DAAM2: variants seen among roughly 807,000 people sequenced by gnomAD.
DAAM2 encodes dishevelled associated activator of morphogenesis 2.
In DAAM2, 39 loss-of-function variants were observed where a neutral mutation model predicts 120.7. That is an observed-to-expected ratio of 0.32 (90% CI 0.25 to 0.42). The LOEUF is 0.42. DAAM2 is among the 10% of genes least tolerant of loss of function. The probability of loss-of-function intolerance (pLI) is 1.00; values close to 1 mark genes in which losing one functional copy is unlikely to be tolerated. For missense variants in DAAM2, 1,283 were observed against 1,401.7 expected, an observed-to-expected ratio of 0.92 and a Z score of 1.35; for synonymous variants, 488 against 524.9, an observed-to-expected ratio of 0.93 and a Z score of 0.96.
chr6:39,807,188 CAA>C (rs11312011), intron 1 of DAAM2, among the ~76,000 whole-genome samples: 2,643 of 115,794 alleles, frequency 0.023, 85 homozygotes, highest in African/African-American at 0.067. Context: ...TAGAACACAG[CAA>C]AAAAAAAAAA....
chr6:39,815,788 A>T (rs527609281), intron 1 of DAAM2, among the ~76,000 whole-genome samples: 1 of 152,292 alleles, frequency 6.6e-6, no homozygotes, highest in Admixed American at 6.5e-5. Context: ...GGATAAGCTT[A>T]TTCTAAAATA....
chr6:39,897,392 G>C, intron 21 of DAAM2, 110 bp downstream of exon 21: 1 of 690,006 alleles, frequency 1.4e-6, no homozygotes, highest in East Asian at 2.6e-5. Context: ...GTGAGACCTC[G>C]GTTCTTGTCT....
At chr6:39,877,451 G>A (rs970610043) in intron 11 of DAAM2, among the ~76,000 whole-genome samples, 1 of 152,162 alleles carries the variant, frequency 6.6e-6, no homozygotes, top group African/African-American at 2.4e-5. Context: ...GTAGCATCTT[G>A]GGGATAACAG....
chr6:39,869,602 A>G (rs1053684541), intron 7 of DAAM2, among the ~76,000 whole-genome samples: 1 of 151,978 alleles, frequency 6.6e-6, no homozygotes, highest in Non-Finnish European at 1.5e-5. Flanking sequence ...AAGAAACAAC[A>G]AAAAAAGCAA....
chr6:39,823,163 T>A (rs1013891184), intron 1 of DAAM2: 1 of 152,164 alleles, frequency 6.6e-6, no homozygotes, highest in Admixed American at 6.5e-5. Context: ...TTTTTAACTT[T>A]CAATGCTTTG....
Position 39,856,444 on chromosome 6 carries a change from C to A in DAAM2, c.142C>A (p.Leu48Ile). 3 of 1,479,716 alleles carry A rather than the reference C, an allele frequency of 2.0e-6. No individual in the cohort carries two copies. Among genetic ancestry groups the A allele is most frequent in the East Asian group, 2.7e-5 (1 of 37,290 alleles). The allele number at this position is 1,479,716 out of a possible 1,614,324, so 91.7% of individuals were successfully genotyped here. Residue 48 changes from leucine to isoleucine, a missense_variant, in exon 2 of 25, where the codon CTC becomes ATC. Around this residue, in one of 3 missense-constraint regions of DAAM2, gnomAD observed 197 missense variants for 189.3 expected, o/e 1.04. Transcript: ENST00000274867. ...FSSPIPNAEE[L>I]NIRFAELVDE... ...CAGCCCCATCCCGAACGCAGAGGAG[C>A]TCAACATCCGCTTTGCAGAGCTGGT...
intron 1 of DAAM2, among the ~76,000 whole-genome samples, chr6:39,800,346 C>T (rs955800057): frequency 3.3e-5 from 5 of 152,162 alleles, no homozygotes; most frequent in African/African-American, 9.7e-5. Flanking sequence ...GCATCAGGCC[C>T]CTATGACTGC....
At position 39,880,741 on chromosome 6, in the gene DAAM2, G is replaced by T. The variant is rs562709942; in HGVS notation, c.1845+1264G>T. 4.6e-5 allele frequency among the ~76,000 whole-genome samples: 7 copies of T among 152,322 alleles called. No homozygotes were observed. The South Asian group carries it at 1.2e-3, about 27-fold the overall frequency. ...GGTGGAAAGATGAAGCATAAACACAGTCCATTTGTAGTTTCCCGGGCCTCT... is the reference window on the plus strand; with the variant it reads ...GGTGGAAAGATGAAGCATAAACACATTCCATTTGTAGTTTCCCGGGCCTCT... On this transcript the variant is annotated intron_variant, in intron 14 of 24. Transcript: ENST00000274867.
intron 19 of DAAM2, among the ~76,000 whole-genome samples, chr6:39,894,792 G>A (rs995503526): frequency 2.6e-5 from 4 of 151,898 alleles, no homozygotes; most frequent in African/African-American, 9.7e-5. Context: ...GCTAATTTTT[G>A]TATTTTTGTA....
intron 11 of DAAM2, among the ~76,000 whole-genome samples, chr6:39,877,510 A>G (rs1562046593): frequency 6.6e-6 from 1 of 152,158 alleles, no homozygotes; most frequent in Non-Finnish European, 1.5e-5. Context: ...CTCCCTCTCC[A>G]TACTCTGTTC....
chr6:39,873,430 G>A (rs1764744452), intron 10 of DAAM2, 75 bp downstream of exon 10: 1 of 1,015,096 alleles, frequency 9.9e-7, no homozygotes, highest in East Asian at 2.6e-5. Flanking sequence ...CAAGACTTTG[G>A]GACCTCCCTG....
rs763789353 is a variant in DAAM2, at chr6:39,865,087, C to T, written c.428+13C>T. 2.1e-6 allele frequency: 3 copies of T among 1,448,150 alleles called. No individual in the cohort carries two copies. Among genetic ancestry groups the T allele is most frequent in the Middle Eastern group, 1.7e-4 (1 of 5,804 alleles). 89.7% of individuals were successfully genotyped at this position (1,448,150 alleles called of 1,614,324 possible). A position where few individuals can be genotyped will look rare whatever the true frequency, so the allele number is the denominator to read the frequency against. On this transcript the variant is annotated intron_variant, in intron 5 of 24. Transcript: ENST00000274867. Reference sequence around the variant, plus strand: ...CACAGCCTATGAGGTAATTCAGTTTCCCCCTCTTGCTTCCTGCTGAGTCCC... The same window carrying T: ...CACAGCCTATGAGGTAATTCAGTTTTCCCCTCTTGCTTCCTGCTGAGTCCC...
chr6:39,883,449 G>A (rs552396190), intron 14 of DAAM2: 6 of 152,714 alleles, frequency 3.9e-5, no homozygotes, highest in African/African-American at 1.4e-4. Context: ...TGGGAAAGTG[G>A]GAGGAAGACC....
intron 1 of DAAM2, among the ~76,000 whole-genome samples, chr6:39,845,100 TACAC>T (rs1422308181): frequency 8.7e-6 from 1 of 115,154 alleles, no homozygotes; most frequent in Non-Finnish European, 1.8e-5. Context: ...ATATATACCA[TACAC>T]ACATACCACA....
At chr6:39,849,636 G>A (rs550517063) in intron 1 of DAAM2, among the ~76,000 whole-genome samples, 3 of 152,294 alleles carry the variant, frequency 2.0e-5, no homozygotes, top group Admixed American at 1.3e-4. Flanking sequence ...TGAGTGTGTA[G>A]GGTAGAGTTG....
chr6:39,877,700 C>T (rs1582720472), intron 11 of DAAM2, among the ~76,000 whole-genome samples: 1 of 152,358 alleles, frequency 6.6e-6, no homozygotes, highest in Non-Finnish European at 1.5e-5. Context: ...ATGAACAAGG[C>T]TGTCCTCTGT....
chr6:39,864,469 CCTGA>C lies in DAAM2; in HGVS notation c.298_301del (p.Asp100IlefsTer25). ...CCCCAACAAGCTGGCAACCAGCTGG[CCTGA>C]CTATTACATCGACCGCATCAATTCC... On this transcript the variant is annotated frameshift_variant, in exon 4 of 25. Coordinates refer to ENST00000274867, the MANE Select transcript of DAAM2 (RefSeq NM_001201427.2). LOFTEE classifies it high-confidence loss of function. 6.2e-7 allele frequency: 1 copy of C among 1,612,862 alleles called. No individual in the cohort carries two copies. Among genetic ancestry groups the C allele is most frequent in the Non-Finnish European group, 8.5e-7 (1 of 1,179,756 alleles).
intron 1 of DAAM2, among the ~76,000 whole-genome samples, chr6:39,853,188 G>A (rs765365482): frequency 4.6e-5 from 7 of 152,106 alleles, no homozygotes; most frequent in South Asian, 2.1e-4. Flanking sequence ...CTCCATTTTC[G>A]GATCTCTACC....
intron 1 of DAAM2, among the ~76,000 whole-genome samples, chr6:39,826,256 A>T (rs1762669349): frequency 6.7e-6 from 1 of 148,664 alleles, no homozygotes; most frequent in Admixed American, 6.6e-5. Context: ...ACTGCCAGTT[A>T]GTAGCAGATT....
Sources: gnomAD v4.1 joint callset for allele counts (sites outside exome capture counted in the v4.1 genomes callset) on GRCh38, gnomAD v4.1.1 for gene constraint, gnomAD v4.1.1 regional missense constraint, MANE v1.5 for transcripts, NCBI Gene and HGNC (gene_info 2026-07-23, HGNC 2026-07-21) for gene names.